Variants in CNTN6 observed in about 807,000 individuals in gnomAD.
CNTN6 encodes the protein contactin-6.
Under a neutral mutation model 122.8 loss-of-function variants are expected in CNTN6, and 137 were observed. The observed-to-expected ratio is 1.12, with a 90% CI of 0.97 to 1.29. The LOEUF is 1.29. Among genes scored for constraint, CNTN6 ranks in the 50% most tolerant of loss-of-function variants. The pLI is 0.00. For missense variants in CNTN6, 1,634 were observed against 1,223.4 expected (o/e 1.34, Z -5.01); for synonymous variants, 570 against 426.0 (o/e 1.34, Z -4.16).
chr3:1,186,363 A>G (rs890410782), intron 2 of CNTN6, among the ~76,000 whole-genome samples: 5 of 152,006 alleles, frequency 3.3e-5, no homozygotes, highest in African/African-American at 4.8e-5. Flanking sequence ...GGCTTCACAC[A>G]CTGCAACTAC....
At chr3:1,122,457 G>T (rs1030931345) in intron 1 of CNTN6, among the ~76,000 whole-genome samples, 4 of 150,978 alleles carry the variant, frequency 2.6e-5, no homozygotes, top group Non-Finnish European at 5.9e-5. Context: ...TAATTCCCAT[G>T]ACATAAAAGT....
chr3:1,147,456 A>G (rs2092747166), intron 1 of CNTN6, among the ~76,000 whole-genome samples: 1 of 152,078 alleles, frequency 6.6e-6, no homozygotes, highest in East Asian at 1.9e-4. Context: ...CTAAATTTTT[A>G]TGAGTTTAGG....
At position 1,385,603 on chromosome 3, in the gene CNTN6, A is replaced by G. The variant is rs1470269771; in HGVS notation, c.2518-8A>G. The G allele has an allele frequency of 6.3e-7, 1 of 1,576,738 alleles. No homozygotes were observed. The highest frequency in any genetic ancestry group is 8.6e-7 in the Non-Finnish European group (1 of 1,165,552). ...AATAAATTGCTTGTTTTGGTTTTTA[A>G]TTATCAGGTCTTATACTGGACAGAT... On this transcript the variant is annotated splice_region_variant and splice_polypyrimidine_tract_variant and intron_variant, in intron 19 of 22. Transcript: ENST00000446702.
At chr3:1,364,257 T>C (rs1707892040) in intron 12 of CNTN6, among the ~76,000 whole-genome samples, 2 of 151,906 alleles carry the variant, frequency 1.3e-5, no homozygotes, top group Non-Finnish European at 2.9e-5. Flanking sequence ...AGAGAAAATA[T>C]GAGAGAATTT....
At chr3:1,297,638 CTTTTTTTTTTT>C (rs71303106) in intron 6 of CNTN6, among the ~76,000 whole-genome samples, 4 of 138,544 alleles carry the variant, frequency 2.9e-5, no homozygotes, top group South Asian at 4.7e-4. Context: ...TTGTTTTTTT[CTTTTTTTTTTT>C]TTTTATTAAT....
At chr3:1,106,178 AT>A (rs2091210818) in intron 1 of CNTN6, among the ~76,000 whole-genome samples, 1 of 152,150 alleles carries the variant, frequency 6.6e-6, no homozygotes, top group South Asian at 2.1e-4. Context: ...AATTGTAATC[AT>A]CCCTGAATTA....
At chr3:1,097,581 T>C (rs1037611164) in intron 1 of CNTN6, among the ~76,000 whole-genome samples, 2 of 152,208 alleles carry the variant, frequency 1.3e-5, no homozygotes, top group Non-Finnish European at 2.9e-5. Flanking sequence ...CCGCCCATTG[T>C]AGATTTCCTT....
At chr3:1,320,940 C>A (rs1008640287) in intron 7 of CNTN6, among the ~76,000 whole-genome samples, 1 of 151,582 alleles carries the variant, frequency 6.6e-6, no homozygotes, top group South Asian at 2.1e-4. Flanking sequence ...AATAAAGTAA[C>A]TTTATTTACA....
Position 1,352,380 on chromosome 3 carries a change from C to T in CNTN6, c.1421C>T (p.Ala474Val), listed in dbSNP as rs1223011532. 3 of 1,596,052 alleles carry T rather than the reference C, an allele frequency of 1.9e-6. No individual in the cohort carries two copies. In the South Asian group the frequency reaches 3.4e-5, roughly 18 times the overall value. Residue 474 changes from alanine (A) to valine (V), a missense_variant, in exon 12 of 23, where the codon GCT becomes GTT. Coordinates refer to ENST00000446702, the MANE Select transcript of CNTN6 (RefSeq NM_001289080.2). ...LKIYNITRSD[A>V]GSYTCIATNQ... ...ATATATAATATTACCAGGTCAGATG[C>T]TGGATCATATACATGCATAGCCACA...
intron 2 of CNTN6, among the ~76,000 whole-genome samples, chr3:1,158,861 T>TGTGTGTGTATATATATGTATATATAC (rs1559422392): frequency 9.9e-5 from 10 of 100,534 alleles, no homozygotes; most frequent in African/African-American, 4.0e-4. Flanking sequence ...TACATATATA[T>TGTGTGTGTATATATATGTATATATAC]ACACACATAT....
chr3:1,215,800 T>A (rs1029300770), intron 2 of CNTN6, among the ~76,000 whole-genome samples: 1 of 152,130 alleles, frequency 6.6e-6, no homozygotes, highest in Non-Finnish European at 1.5e-5. Flanking sequence ...TGGGGAAATA[T>A]ATTTTTTGAA....
chr3:1,359,633 T>G (rs529720631), intron 12 of CNTN6, among the ~76,000 whole-genome samples: 15 of 152,240 alleles, frequency 9.9e-5, no homozygotes, highest in African/African-American at 3.4e-4. Flanking sequence ...GATTTTAATC[T>G]GTAGATACAC....
intron 7 of CNTN6, among the ~76,000 whole-genome samples, chr3:1,300,196 C>A (rs1424166209): frequency 2.0e-5 from 3 of 152,018 alleles, no homozygotes; most frequent in Admixed American, 2.0e-4. Flanking sequence ...GCACGTTAGC[C>A]AGGATGGTCT....
Position 1,377,414 on chromosome 3 carries a change from C to T in CNTN6, c.2166+339C>T, listed in dbSNP as rs1001013631. On this transcript the variant is annotated intron_variant, in intron 17 of 22. Transcript: ENST00000446702. ...CTGTTGTATTGTGAATAAGTTGAGCCCAGTAGACTGTAGGCAAAAAATAGT... is the reference window on the plus strand; with the variant it reads ...CTGTTGTATTGTGAATAAGTTGAGCTCAGTAGACTGTAGGCAAAAAATAGT... Among the ~76,000 whole-genome samples the T allele has an allele frequency of 3.3e-5, 5 of 152,150 alleles. No individual in the cohort carries two copies. In the South Asian group the frequency reaches 8.3e-4, roughly 25 times the overall value.
intron 5 of CNTN6, among the ~76,000 whole-genome samples, chr3:1,286,626 T>G (rs987395714): frequency 6.6e-6 from 1 of 152,164 alleles, no homozygotes; most frequent in African/African-American, 2.4e-5. Flanking sequence ...AGACATAATA[T>G]CCAGTCTATC....
chr3:1,285,534 TAATG>T (rs1393629966), intron 5 of CNTN6, among the ~76,000 whole-genome samples: 1 of 152,232 alleles, frequency 6.6e-6, no homozygotes, highest in African/African-American at 2.4e-5. Context: ...TTGGATAAGA[TAATG>T]AATACTTACT....
chr3:1,213,389 A>G (rs898498447), intron 2 of CNTN6, among the ~76,000 whole-genome samples: 2 of 152,118 alleles, frequency 1.3e-5, no homozygotes, highest in African/African-American at 2.4e-5. Flanking sequence ...GAGATCTGCA[A>G]AAAAGTCATT....
At chr3:1,250,286 G>A (rs1238425889) in intron 4 of CNTN6, among the ~76,000 whole-genome samples, 1 of 152,118 alleles carries the variant, frequency 6.6e-6, no homozygotes, top group African/African-American at 2.4e-5. Context: ...GCATTTCAAA[G>A]CATGTCCCAG....
rs56703431 is a variant in CNTN6 at position 1,160,344 on chromosome 3, GTATATATATA to G, written c.55+12296_55+12305del. Among the ~76,000 whole-genome samples the G allele has an allele frequency of 5.5e-3, 614 of 111,126 alleles. 13 individuals carry two copies. The highest frequency in any genetic ancestry group is 0.02 in the African/African-American group (550 of 28,060). 72.9% of individuals were successfully genotyped at this position (111,126 alleles called of 152,430 possible). On this transcript the variant is annotated intron_variant, in intron 2 of 22. Coordinates refer to ENST00000446702, the MANE Select transcript of CNTN6 (RefSeq NM_001289080.2). ...TCTCATCACACAATTTACTTTTACT[GTATATATATA>G]TATATATATATATACACACTACCTA...
Sources: allele counts gnomAD v4.1 joint callset (sites outside exome capture counted in the v4.1 genomes callset), GRCh38; gene constraint gnomAD v4.1.1; transcripts MANE v1.5; gene names NCBI Gene and HGNC (gene_info 2026-07-23, HGNC 2026-07-21).